CPXM2: variants seen among roughly 807,000 people sequenced by gnomAD.
The protein encoded by CPXM2 is inactive carboxypeptidase-like protein X2.
A neutral mutation model predicts 86.1 loss-of-function variants in CPXM2; 66 were observed. The observed-to-expected ratio is 0.77, with a 90% CI of 0.63 to 0.94. CPXM2 has a LOEUF of 0.94. CPXM2 is among the 40% of genes least tolerant of loss of function. CPXM2 has a pLI of 0.00. For synonymous variants in CPXM2, 388 were observed against 400.2 expected (o/e 0.97, Z 0.36); for missense variants, 948 against 1,026.3 (o/e 0.92, Z 1.04).
chr10:123,806,596 C>T (rs1275515662), intron 4 of CPXM2, among the ~76,000 whole-genome samples: 1 of 152,112 alleles, frequency 6.6e-6, no homozygotes, highest in African/African-American at 2.4e-5. Context: ...TCTCACATTG[C>T]TATAAAGATC....
intron 11 of CPXM2, among the ~76,000 whole-genome samples, chr10:123,757,904 C>T (rs1846249800): frequency 6.6e-6 from 1 of 152,108 alleles, no homozygotes; most frequent in Non-Finnish European, 1.5e-5. Flanking sequence ...CAGAGGTAGG[C>T]AACACAGCAC....
chr10:123,755,038 C>G (rs1846173042), intron 12 of CPXM2, among the ~76,000 whole-genome samples: 1 of 152,258 alleles, frequency 6.6e-6, no homozygotes, highest in Non-Finnish European at 1.5e-5. Flanking sequence ...TGCCACTTAT[C>G]CTTTGGAGCA....
chr10:123,846,536 C>G (rs1848498659), intron 3 of CPXM2, among the ~76,000 whole-genome samples: 1 of 152,206 alleles, frequency 6.6e-6, no homozygotes, highest in African/African-American at 2.4e-5. Context: ...AAGCCCCGTT[C>G]CTAACCGGCC....
At chr10:123,858,362 G>C (rs1383395317) in intron 3 of CPXM2, among the ~76,000 whole-genome samples, 2 of 152,254 alleles carry the variant, frequency 1.3e-5, no homozygotes, top group Non-Finnish European at 1.5e-5. Context: ...TTTTCTGCAA[G>C]CGGCTCAGCA....
At chr10:123,889,469 C>CGGGGGCTG (rs1945231656) in intron 1 of CPXM2, among the ~76,000 whole-genome samples, 1 of 130,698 alleles carries the variant, frequency 7.7e-6, no homozygotes, top group African/African-American at 2.8e-5. Flanking sequence ...TGGTGGGGGG[C>CGGGGGCTG]GGGGGCTGGG....
At chr10:123,809,519 T>C (rs1311009141) in intron 4 of CPXM2, among the ~76,000 whole-genome samples, 1 of 152,106 alleles carries the variant, frequency 6.6e-6, no homozygotes, top group African/African-American at 2.4e-5. Flanking sequence ...CTCTAAGATA[T>C]ATAAATAGAT....
chr10:123,842,287 C>T, intron 4 of CPXM2, 62 bp downstream of exon 4: 1 of 1,606,182 alleles, frequency 6.2e-7, no homozygotes, highest in Non-Finnish European at 8.5e-7. Context: ...CTGTGTCTGT[C>T]CAGACCCTCA....
chr10:123,846,564 T>C (rs1304003980), intron 3 of CPXM2, among the ~76,000 whole-genome samples: 3 of 152,172 alleles, frequency 2.0e-5, no homozygotes, highest in Non-Finnish European at 4.4e-5. Context: ...GGTACTGGTC[T>C]GTGGACGGGG....
intron 4 of CPXM2, among the ~76,000 whole-genome samples, chr10:123,833,872 C>T (rs10219055): frequency 0.22 from 33,104 of 152,098 alleles, 3,746 homozygotes; most frequent in Middle Eastern, 0.37. Flanking sequence ...GGACCCTCTA[C>T]GAAAGGGAAG....
At chr10:123,864,922 A>G (rs766645319) in intron 2 of CPXM2, among the ~76,000 whole-genome samples, 1 of 152,220 alleles carries the variant, frequency 6.6e-6, no homozygotes, top group African/African-American at 2.4e-5. Context: ...GGTGAAAAGA[A>G]AGTGCCCCCA....
At chr10:123,793,190 C>T (rs1018022106) in intron 6 of CPXM2, among the ~76,000 whole-genome samples, 3 of 152,170 alleles carry the variant, frequency 2.0e-5, no homozygotes, top group East Asian at 1.9e-4. Flanking sequence ...TGAGGCTGGG[C>T]GCAGTGGCTC....
chr10:123,751,700 C>G (rs959434037), intron 13 of CPXM2: 2 of 985,294 alleles, frequency 2.0e-6, no homozygotes, highest in African/African-American at 1.7e-5. Context: ...TATGCAAAAT[C>G]CATCCCGAAA....
intron 3 of CPXM2, chr10:123,843,219 T>C (rs1156508812): frequency 2.2e-6 from 1 of 447,274 alleles, no homozygotes; most frequent in Non-Finnish European, 4.5e-6. Flanking sequence ...TCTGAATAGC[T>C]GGGACTACAA....
chr10:123,779,859 A>G (rs1029185120), intron 7 of CPXM2, among the ~76,000 whole-genome samples: 1 of 152,168 alleles, frequency 6.6e-6, no homozygotes, highest in Non-Finnish European at 1.5e-5. Flanking sequence ...AACTCTGCAT[A>G]TGACCAACAT....
chr10:123,854,347 T>TATA lies in CPXM2; in HGVS notation c.513+8264_513+8266dup, dbSNP rs1157330968. Among the ~76,000 whole-genome samples, 92 of 124,746 alleles carry TATA rather than the reference T, an allele frequency of 7.4e-4. 1 individual carries two copies. Among genetic ancestry groups the TATA allele is most frequent in the African/African-American group, 2.9e-3 (87 of 29,880 alleles). The allele number at this position is 124,746 out of a possible 152,430, so 81.8% of individuals were successfully genotyped here. On this transcript the variant is annotated intron_variant, in intron 3 of 13. Coordinates refer to ENST00000241305, the MANE Select transcript of CPXM2 (RefSeq NM_198148.3). ...GCCCAAGAGCTAGTGAACAAATATATATATATATATAAAAATATATATATA... is the reference window on the plus strand; with the variant it reads ...GCCCAAGAGCTAGTGAACAAATATATATAATATATATATAAAAATATATATATA...
intron 3 of CPXM2, among the ~76,000 whole-genome samples, chr10:123,861,688 G>C (rs1848852238): frequency 6.6e-6 from 1 of 152,150 alleles, no homozygotes; most frequent in South Asian, 2.1e-4. Context: ...AAGAAGGAAA[G>C]AGCCACTAGC....
intron 2 of CPXM2, among the ~76,000 whole-genome samples, chr10:123,933,802 C>T (rs1316525639): frequency 6.6e-6 from 1 of 152,034 alleles, no homozygotes; most frequent in East Asian, 1.9e-4. Context: ...GGGCAGGCCA[C>T]AGGAGGCCAT....
chr10:123,826,951 G>A (rs951048850), intron 4 of CPXM2, among the ~76,000 whole-genome samples: 1 of 152,036 alleles, frequency 6.6e-6, no homozygotes, highest in East Asian at 1.9e-4. Flanking sequence ...GAGGGATAAA[G>A]ACAAACTCTC....
intron 4 of CPXM2, among the ~76,000 whole-genome samples, chr10:123,822,009 G>A (rs1441194573): frequency 6.6e-6 from 1 of 152,112 alleles, no homozygotes; most frequent in African/African-American, 2.4e-5. Flanking sequence ...GATAAGACAG[G>A]TTTCTTCAAC....
Sources: gnomAD v4.1 joint callset for allele counts (sites outside exome capture counted in the v4.1 genomes callset) on GRCh38, gnomAD v4.1.1 for gene constraint, MANE v1.5 for transcripts, NCBI Gene and HGNC (gene_info 2026-07-23, HGNC 2026-07-21) for gene names.